C12orf54: variants seen among roughly 807,000 people sequenced by gnomAD.
The protein encoded by C12orf54 is chromosome 12 open reading frame 54.
In C12orf54, 24 loss-of-function variants were observed where a neutral mutation model predicts 26.4. The observed-to-expected ratio is 0.91, with a 90% CI of 0.66 to 1.28. C12orf54 has a LOEUF of 1.28. Among genes scored for constraint, C12orf54 ranks in the 50% most tolerant of loss-of-function variants. C12orf54 has a pLI of 0.00. For missense variants in C12orf54, 154 were observed against 150.9 expected, an observed-to-expected ratio of 1.02 and a Z score of -0.11; for synonymous variants, 54 against 47.0, an observed-to-expected ratio of 1.15 and a Z score of -0.61.
At chr12:48,478,174 A>C (rs954554936), upstream of C12orf54, among the ~76,000 whole-genome samples, 29 of 152,208 alleles carry the variant, frequency 1.9e-4, no homozygotes, top group Non-Finnish European at 3.8e-4. Context: ...AGATGCAGAA[A>C]AGGCCTTTGA....
chr12:48,443,443 A>C, the C12orf54 span, among the ~76,000 whole-genome samples: 5 of 152,140 alleles, frequency 3.3e-5, no homozygotes, highest in African/African-American at 4.8e-5. Context: ...ACTGACTTTT[A>C]CTTTTTCAAT....
chr12:48,487,252 G>T (rs1937669894), intron 4 of C12orf54, among the ~76,000 whole-genome samples: 1 of 152,108 alleles, frequency 6.6e-6, no homozygotes, highest in Admixed American at 6.6e-5. Context: ...TACCATATTA[G>T]TTGCTTGTAA....
At chr12:48,433,993 C>A in the C12orf54 span, among the ~76,000 whole-genome samples, 1 of 152,288 alleles carries the variant, frequency 6.6e-6, no homozygotes, top group Non-Finnish European at 1.5e-5. Flanking sequence ...CATAAGGGGT[C>A]AGGGAATTCC....
upstream of C12orf54, among the ~76,000 whole-genome samples, chr12:48,482,326 CAGAAATTAAAATT>C (rs1954206869): frequency 6.6e-6 from 1 of 152,134 alleles, no homozygotes; most frequent in African/African-American, 2.4e-5. Context: ...CAAAAATTCC[CAGAAATTAAAATT>C]AAAATCCCAC....
At chr12:48,459,903 C>A in the C12orf54 span, among the ~76,000 whole-genome samples, 3 of 152,146 alleles carry the variant, frequency 2.0e-5, no homozygotes, top group Admixed American at 2.0e-4. Context: ...AGACTTTTAA[C>A]TGGAGGTCAG....
chr12:48,483,193 CT>C (rs1954218608), intron 1 of C12orf54, 46 bp from the exon 2 acceptor site: 2 of 976,716 alleles, frequency 2.0e-6, no homozygotes, highest in Non-Finnish European at 3.1e-6. Context: ...CGCTTTTCTT[CT>C]CACCATGTAC....
At chr12:48,447,912 A>G in the C12orf54 span, among the ~76,000 whole-genome samples, 1 of 152,238 alleles carries the variant, frequency 6.6e-6, no homozygotes, top group Non-Finnish European at 1.5e-5. Flanking sequence ...GATTTAAAGC[A>G]TAAGAGGAAG....
At chr12:48,417,910 G>T in the C12orf54 span, among the ~76,000 whole-genome samples, 12 of 152,296 alleles carry the variant, frequency 7.9e-5, 1 homozygote, top group South Asian at 2.5e-3. Flanking sequence ...CAAACAACAT[G>T]ATCTCATTAT....
intron 5 of C12orf54, 51 bp downstream of exon 5, chr12:48,489,007 G>C (rs763582652): frequency 1.3e-6 from 2 of 1,566,218 alleles, no homozygotes; most frequent in East Asian, 4.5e-5. Context: ...CATGTGCCTT[G>C]ATCCCATTTT....
chr12:48,463,019 C>T, the C12orf54 span, among the ~76,000 whole-genome samples: 2 of 151,764 alleles, frequency 1.3e-5, no homozygotes, highest in Non-Finnish European at 2.9e-5. Context: ...TCCACTAGAA[C>T]TAATATATGA....
the C12orf54 span, among the ~76,000 whole-genome samples, chr12:48,428,816 A>G: frequency 6.6e-6 from 1 of 152,046 alleles, no homozygotes; most frequent in South Asian, 2.1e-4. Flanking sequence ...AATTCATTCT[A>G]TGAAGCCAGC....
chr12:48,416,014 C>G, the C12orf54 span, among the ~76,000 whole-genome samples: 18 of 152,204 alleles, frequency 1.2e-4, no homozygotes, highest in African/African-American at 4.3e-4. Flanking sequence ...AGCCCTCTCT[C>G]TCTTTTCTGG....
chr12:48,465,633 A>G, the C12orf54 span, among the ~76,000 whole-genome samples: 4 of 152,318 alleles, frequency 2.6e-5, no homozygotes, highest in South Asian at 4.1e-4. Flanking sequence ...TTGCATCACT[A>G]TTCAAAATAA....
At chr12:48,472,118 G>T in the C12orf54 span, among the ~76,000 whole-genome samples, 1 of 152,092 alleles carries the variant, frequency 6.6e-6, no homozygotes, top group African/African-American at 2.4e-5. Flanking sequence ...TGTAAATGGG[G>T]TTGTGTTCTT....
At chr12:48,475,082 G>A in the C12orf54 span, among the ~76,000 whole-genome samples, 673 of 152,214 alleles carry the variant, frequency 4.4e-3, 2 homozygotes, top group South Asian at 7.5e-3. Context: ...CAGCATTTGC[G>A]GTTCACCAAT....
chr12:48,455,554 C>T, the C12orf54 span, among the ~76,000 whole-genome samples: 3 of 152,152 alleles, frequency 2.0e-5, no homozygotes, highest in African/African-American at 7.2e-5. Flanking sequence ...AGAGACACAA[C>T]CATATTCAGC....
the C12orf54 span, among the ~76,000 whole-genome samples, chr12:48,460,086 A>G: frequency 6.6e-6 from 1 of 152,218 alleles, no homozygotes; most frequent in Non-Finnish European, 1.5e-5. Flanking sequence ...CCAAGGGTTT[A>G]GGAGTTATCT....
the C12orf54 span, among the ~76,000 whole-genome samples, chr12:48,420,307 A>G: frequency 6.6e-6 from 1 of 152,188 alleles, no homozygotes; most frequent in Non-Finnish European, 1.5e-5. Flanking sequence ...AAATTTCCTT[A>G]TATGTATGGA....
intron 6 of C12orf54, 76 bp downstream of exon 6, chr12:48,490,912 T>C: frequency 6.5e-7 from 1 of 1,535,822 alleles, no homozygotes; most frequent in Non-Finnish European, 9.0e-7. Flanking sequence ...ATTGTATCCA[T>C]TTGCCATACA....
Sources: allele counts gnomAD v4.1 joint callset (sites outside exome capture counted in the v4.1 genomes callset), GRCh38; gene constraint gnomAD v4.1.1; transcripts MANE v1.5; gene names NCBI Gene and HGNC (gene_info 2026-07-23, HGNC 2026-07-21).